The following FLI1 variants were observed in gnomAD, a reference collection of about 807,000 sequenced individuals.
FLI1 encodes Fli-1 proto-oncogene, ETS transcription factor.
FLI1 carries 13 observed loss-of-function variants against 53.1 expected under a neutral mutation model. The ratio of observed to expected loss-of-function variants is 0.24; its 90% CI spans 0.16 to 0.39. FLI1 has a LOEUF of 0.39. Ranked by LOEUF, FLI1 falls within the 10% of genes least tolerant of loss-of-function variation. The probability of loss-of-function intolerance (pLI) is 1.00; values close to 1 mark genes in which losing one functional copy is unlikely to be tolerated. For synonymous variants in FLI1, 244 were observed against 236.7 expected, an observed-to-expected ratio of 1.03 and a Z score of -0.28; for missense variants, 424 against 600.5, an observed-to-expected ratio of 0.71 and a Z score of 3.07.
intron 1 of FLI1, among the ~76,000 whole-genome samples, chr11:128,731,309 G>GGTTGGTGA (rs966682194): frequency 2.6e-5 from 4 of 152,168 alleles, no homozygotes; most frequent in African/African-American, 9.7e-5. Flanking sequence ...AATGTGGGGG[G>GGTTGGTGA]GTTGGTGAGT....
At chr11:128,693,839 G>A (rs1172732116), upstream of FLI1, 4 of 222,922 alleles carry the variant, frequency 1.8e-5, no homozygotes, top group Admixed American at 6.0e-5. Context: ...TATATAGTGT[G>A]TGATGCGAAA....
intron 3 of FLI1, 112 bp downstream of exon 3, chr11:128,768,384 G>A (rs770365255): frequency 7.3e-7 from 1 of 1,373,938 alleles, no homozygotes; most frequent in African/African-American, 1.4e-5. Context: ...TTGCAAAATG[G>A]AGAAAGCTGC....
chr11:128,723,105 G>C (rs1431856800), intron 1 of FLI1, among the ~76,000 whole-genome samples: 1 of 152,120 alleles, frequency 6.6e-6, no homozygotes, highest in Non-Finnish European at 1.5e-5. Context: ...CCGCTCTGAA[G>C]GCTCCACCTC....
At chr11:128,760,165 G>A (rs1301242151) in intron 2 of FLI1, among the ~76,000 whole-genome samples, 1 of 152,178 alleles carries the variant, frequency 6.6e-6, no homozygotes, top group Non-Finnish European at 1.5e-5. Flanking sequence ...TGTGTTGAAC[G>A]TTTTCCCATA....
intron 1 of FLI1, among the ~76,000 whole-genome samples, chr11:128,741,165 G>T (rs558293641): frequency 6.6e-6 from 1 of 152,098 alleles, no homozygotes; most frequent in African/African-American, 2.4e-5. Flanking sequence ...AGGCTGAGGC[G>T]GGCGGATCAC....
intron 1 of FLI1, among the ~76,000 whole-genome samples, chr11:128,753,037 G>A (rs1940716530): frequency 1.3e-5 from 2 of 152,306 alleles, no homozygotes; most frequent in East Asian, 3.9e-4. Context: ...CTTGCCAGAG[G>A]TCTCTGGTAA....
At chr11:128,706,701 C>G (rs1052919698) in intron 1 of FLI1, among the ~76,000 whole-genome samples, 2 of 152,180 alleles carry the variant, frequency 1.3e-5, no homozygotes, top group African/African-American at 4.8e-5. Context: ...ACTCCTGCTT[C>G]TTTGTTCATT....
intron 5 of FLI1, among the ~76,000 whole-genome samples, chr11:128,783,947 G>A (rs373711491): frequency 9.2e-5 from 14 of 152,136 alleles, no homozygotes; most frequent in African/African-American, 1.9e-4. Flanking sequence ...AGGAAGGGAA[G>A]GGAAGGAAGA....
intron 1 of FLI1, among the ~76,000 whole-genome samples, chr11:128,705,086 G>C (rs182049128): frequency 9.7e-4 from 148 of 152,310 alleles, no homozygotes; most frequent in African/African-American, 1.8e-3. Context: ...CTTAGCCACT[G>C]TGATACATCA....
intron 1 of FLI1, among the ~76,000 whole-genome samples, chr11:128,712,739 C>T (rs960909225): frequency 6.6e-6 from 1 of 152,152 alleles, no homozygotes; most frequent in African/African-American, 2.4e-5. Flanking sequence ...CCACCAGGTC[C>T]CTCCCGCAAC....
intron 1 of FLI1, among the ~76,000 whole-genome samples, chr11:128,712,919 T>C (rs1159484491): frequency 1.3e-5 from 2 of 152,238 alleles, no homozygotes; most frequent in African/African-American, 2.4e-5. Context: ...CTCCTGTGGT[T>C]TTAGAATCAC....
chr11:128,788,131 A>C (rs1942155496), intron 5 of FLI1, among the ~76,000 whole-genome samples: 1 of 152,002 alleles, frequency 6.6e-6, no homozygotes, highest in African/African-American at 2.4e-5. Flanking sequence ...ACACCGTACC[A>C]AGGGTCGTGA....
chr11:128,745,557 C>A (rs558560482), intron 1 of FLI1, among the ~76,000 whole-genome samples: 32 of 152,206 alleles, frequency 2.1e-4, no homozygotes, highest in African/African-American at 7.5e-4. Context: ...CCTGAGGTCA[C>A]CAAGCATGGC....
chr11:128,757,316 G>A lies in FLI1; in HGVS notation c.19-799G>A, dbSNP rs147640133. Among the ~76,000 whole-genome samples, 9 of 152,148 alleles carry A rather than the reference G, an allele frequency of 5.9e-5. No individual in the cohort carries two copies. The East Asian group carries it at 1.5e-3, about 26-fold the overall frequency. On this transcript the variant is annotated intron_variant, in intron 1 of 8. Coordinates refer to ENST00000527786, the MANE Select transcript of FLI1 (RefSeq NM_002017.5). Reference sequence around the variant, plus strand: ...GTCAGTGATGGGATAATATGAGTGGGAGGACCCAACAACCTCTTTTGGAGG... The same window carrying A: ...GTCAGTGATGGGATAATATGAGTGGAAGGACCCAACAACCTCTTTTGGAGG...
At chr11:128,686,073 T>G, upstream of FLI1, 1 of 318,538 alleles carries the variant, frequency 3.1e-6, no homozygotes, top group East Asian at 8.0e-5. Context: ...TTAGTCTTCC[T>G]CCGTCCCCGG....
In FLI1 at chr11:128,698,106, T is replaced by A. The variant is rs1938165746; in HGVS notation, c.18+3830T>A. 2.6e-5 allele frequency among the ~76,000 whole-genome samples: 4 copies of A among 152,064 alleles called. No individual in the cohort carries two copies. The South Asian group carries it at 8.3e-4, about 32-fold the overall frequency. On this transcript the variant is annotated intron_variant, in intron 1 of 8. Coordinates refer to ENST00000527786, the MANE Select transcript of FLI1 (RefSeq NM_002017.5). ...GCACAGCCCGAAAGAAGGGCCAGGG[T>A]TATGGCTGGCTCTGCAAGGCTCTGG...
At chr11:128,728,053 A>G (rs1591758605) in intron 1 of FLI1, among the ~76,000 whole-genome samples, 1 of 152,372 alleles carries the variant, frequency 6.6e-6, no homozygotes, top group African/African-American at 2.4e-5. Context: ...GAAACAAAAC[A>G]AAACACAAAA....
intron 5 of FLI1, among the ~76,000 whole-genome samples, chr11:128,803,490 ACTCTCCC>A (rs1565509191): frequency 6.6e-6 from 1 of 150,524 alleles, no homozygotes; most frequent in Non-Finnish European, 1.5e-5. Flanking sequence ...TACCTGATGC[ACTCTCCC>A]CTCTCCAAAG....
At chr11:128,690,816 T>C (rs933537939), upstream of FLI1, among the ~76,000 whole-genome samples, 3 of 152,236 alleles carry the variant, frequency 2.0e-5, no homozygotes, top group Non-Finnish European at 4.4e-5. Context: ...CTTCCTTGGC[T>C]GTGAGCTGCC....
Sources: gnomAD v4.1 joint callset for allele counts (sites outside exome capture counted in the v4.1 genomes callset) on GRCh38, gnomAD v4.1.1 for gene constraint, MANE v1.5 for transcripts, NCBI Gene and HGNC (gene_info 2026-07-23, HGNC 2026-07-21) for gene names.